Variants in ZNF557 observed in about 807,000 individuals in gnomAD.
The protein encoded by ZNF557 is CTB-25J19.9.
In ZNF557, 19 loss-of-function variants were observed where a neutral mutation model predicts 21.2. That is an observed-to-expected ratio of 0.90 (90% CI 0.63 to 1.32). The LOEUF (loss-of-function observed/expected upper bound fraction) is 1.32, where lower values mean the gene tolerates loss of function less well. Ranked by LOEUF, ZNF557 falls within the 40% of genes most tolerant of loss-of-function variation. ZNF557 has a pLI of 0.00. For missense variants in ZNF557, 487 were observed against 519.8 expected (o/e 0.94, Z 0.61); for synonymous variants, 207 against 194.8 (o/e 1.06, Z -0.52).
intron 2 of ZNF557, among the ~76,000 whole-genome samples, chr19:7,073,679 A>G (rs1977510530): frequency 6.6e-6 from 1 of 152,030 alleles, no homozygotes; most frequent in Admixed American, 6.6e-5. Context: ...CTTGGCTCCA[A>G]GTACCAGCGA....
chr19:7,085,892 G>A lies in ZNF557; in HGVS notation c.*2148G>A, dbSNP rs971275185. ...CATCAATACACCAAATATTCAGAAA[G>A]GTATTTCCAAACAGCTCCTGAGTGA... On this transcript the variant is annotated 3_prime_UTR_variant, in exon 8 of 8. Transcript: ENST00000252840. 8.6e-5 allele frequency: 13 copies of A among 151,900 alleles called. No individual in the cohort carries two copies. The highest frequency in any genetic ancestry group is 2.9e-4 in the African/African-American group (12 of 41,322). The allele number at this position is 151,900 out of a possible 1,614,324, so 9.4% of individuals were successfully genotyped here.
At chr19:7,074,022 A>G (rs1367977374) in intron 2 of ZNF557, among the ~76,000 whole-genome samples, 1 of 132,736 alleles carries the variant, frequency 7.5e-6, no homozygotes, top group Non-Finnish European at 1.6e-5. Flanking sequence ...TTTTTTCCAA[A>G]TGGAGTGTTG....
At chr19:7,073,138 T>C (rs1568405562) in intron 2 of ZNF557, among the ~76,000 whole-genome samples, 1 of 131,086 alleles carries the variant, frequency 7.6e-6, no homozygotes, top group African/African-American at 2.8e-5. Flanking sequence ...TACAGATATT[T>C]GTTTTTTTGG....
Position 7,083,817 on chromosome 19 carries a change from G to A in ZNF557, c.*73G>A, listed in dbSNP as rs1308796277. On this transcript the variant is annotated 3_prime_UTR_variant, in exon 8 of 8. Transcript: ENST00000252840. ...TAACATGAGCAAACTCTAACAAGAT[G>A]TATGAATCACCTGCTACTGTGTAAC... 3.3e-6 allele frequency: 5 copies of A among 1,508,678 alleles called. No individual in the cohort carries two copies. The highest frequency in any genetic ancestry group is 2.2e-5 in the Admixed American group (1 of 46,300). 93.5% of individuals were successfully genotyped at this position (1,508,678 alleles called of 1,614,324 possible). A position where few individuals can be genotyped will look rare whatever the true frequency, so the allele number is the denominator to read the frequency against.
rs112670746 is a variant in ZNF557, at chr19:7,074,894, C to T, written c.-79-102C>T. 210 of 591,390 alleles carry T rather than the reference C, an allele frequency of 3.6e-4. 2 individuals carry two copies. The Middle Eastern group carries it at 4.6e-3, about 13-fold the overall frequency. 36.6% of individuals were successfully genotyped at this position (591,390 alleles called of 1,614,324 possible). ...ACCGAGGCAGGGCACGGGCAGGAGA[C>T]GGGGTGACCGAGGCAGGGCACGGGC... On this transcript the variant is annotated intron_variant, in intron 2 of 7. Coordinates refer to ENST00000252840, the MANE Select transcript of ZNF557 (RefSeq NM_024341.3).
intron 2 of ZNF557, 52 bp from the exon 3 acceptor site, chr19:7,074,944 G>T (rs1187215572): frequency 6.8e-7 from 1 of 1,481,468 alleles, no homozygotes. Flanking sequence ...CCGACGCAGG[G>T]CACGGGCTGG....
intron 5 of ZNF557, among the ~76,000 whole-genome samples, chr19:7,080,711 A>G (rs1977682240): frequency 6.6e-6 from 1 of 152,194 alleles, no homozygotes; most frequent in South Asian, 2.1e-4. Context: ...AAAATGTCAC[A>G]AATCTCTCTT....
chr19:7,083,860 T>G lies in ZNF557; in HGVS notation c.*116T>G. The G allele has an allele frequency of 7.2e-7, 1 of 1,385,576 alleles. No individual in the cohort carries two copies. The highest frequency in any genetic ancestry group is 9.8e-7 in the Non-Finnish European group (1 of 1,021,256). 85.8% of individuals were successfully genotyped at this position (1,385,576 alleles called of 1,614,324 possible). A position where few individuals can be genotyped will look rare whatever the true frequency, so the allele number is the denominator to read the frequency against. On this transcript the variant is annotated 3_prime_UTR_variant, in exon 8 of 8. Transcript: ENST00000252840. ...TGTGTAACAAATTACCCCCCAAAAT[T>G]TTGTGGCTTCAAACAAAAACACTTG...
In ZNF557 at chr19:7,083,298, A is replaced by G. The variant is rs1470964901; in HGVS notation, c.847A>G (p.Lys283Glu). The G allele has an allele frequency of 1.2e-6, 2 of 1,614,108 alleles. No individual in the cohort carries two copies. The highest frequency in any genetic ancestry group is 1.7e-6 in the Non-Finnish European group (2 of 1,180,042). The change falls in exon 8 of 8, where the codon AAG becomes GAG. Residue 283 changes from lysine to glutamate, a missense_variant. Lys to Glu is a moderately conservative substitution (Grantham distance 56, BLOSUM62 1). Coordinates refer to ENST00000252840, the MANE Select transcript of ZNF557 (RefSeq NM_024341.3). ...CACTCAGTCAATCTTCACAAGGCAC[A>G]AGAGAGTTCATACGGGGGAGGGTCA... ...FRTQSIFTRH[K>E]RVHTGEGHYV... is the part of the protein sequence containing the mutation.
chr19:7,080,112 G>A (rs1434161665), intron 5 of ZNF557, among the ~76,000 whole-genome samples: 1 of 152,124 alleles, frequency 6.6e-6, no homozygotes, highest in African/African-American at 2.4e-5. Context: ...GACCAGCCTG[G>A]CCAAGATGGT....
intron 6 of ZNF557, 88 bp downstream of exon 6, chr19:7,081,543 ATCAGTCAGAGAACTGTGTAAATGCCC>A: frequency 1.1e-6 from 1 of 913,384 alleles, no homozygotes; most frequent in Non-Finnish European, 1.7e-6. Context: ...ATTAGGAAAT[ATCAGTCAGAGAACTGTGTAAATGCCC>A]CTTTTCCCAA....
Position 7,082,914 on chromosome 19 carries a change from A to T in ZNF557, c.463A>T (p.Asn155Tyr). The change falls in exon 8 of 8, where the codon AAT becomes TAT. Residue 155 changes from asparagine (N) to tyrosine (Y), a missense_variant. Transcript: ENST00000252840. ...TCTTGGAGCAACACTCAACGAATGT[A>T]ATCAGTGTTTTAAAGTCTTCAGCAC... ...NHLGATLNECNQCFKVFSTKS... is the reference protein window; with the variant it reads ...NHLGATLNECYQCFKVFSTKS... 1 of 1,605,666 alleles carries T rather than the reference A, an allele frequency of 6.2e-7. No individual in the cohort carries two copies. The highest frequency in any genetic ancestry group is 2.2e-5 in the East Asian group (1 of 44,782).
chr19:7,071,415 A>G (rs1444029144), intron 2 of ZNF557, among the ~76,000 whole-genome samples: 1 of 152,220 alleles, frequency 6.6e-6, no homozygotes, highest in South Asian at 2.1e-4. Context: ...TGACAGCGAC[A>G]TGTGGTTAAT....
intron 5 of ZNF557, among the ~76,000 whole-genome samples, chr19:7,079,001 A>G (rs1977637998): frequency 1.3e-5 from 2 of 151,978 alleles, no homozygotes; most frequent in African/African-American, 4.8e-5. Flanking sequence ...TTCAATTTTA[A>G]AATTCCTATT....
In ZNF557 at chr19:7,085,573, G is replaced by A. The variant is rs1308163283; in HGVS notation, c.*1829G>A. The A allele has an allele frequency of 6.6e-6, 1 of 152,166 alleles. No homozygotes were observed. The highest frequency in any genetic ancestry group is 1.5e-5 in the Non-Finnish European group (1 of 68,022). The allele number at this position is 152,166 out of a possible 1,614,324, so 9.4% of individuals were successfully genotyped here. ...AATACTCACGAGTGTATTAATTTCA[G>A]AAAAATTTTCAGTGATTCCTCCCTT... On this transcript the variant is annotated 3_prime_UTR_variant, in exon 8 of 8. Coordinates refer to ENST00000252840, the MANE Select transcript of ZNF557 (RefSeq NM_024341.3).
rs143458872 is a variant in ZNF557 at position 7,083,417 on chromosome 19, C to T, written c.966C>T (p.Cys322=). 3.1e-6 allele frequency: 5 copies of T among 1,614,184 alleles called. No individual in the cohort carries two copies. The East Asian group carries it at 8.9e-5, about 29-fold the overall frequency. Residue 322 remains cysteine, a synonymous_variant, in exon 8 of 8, where the codon TGC becomes TGT. Coordinates refer to ENST00000252840, the MANE Select transcript of ZNF557 (RefSeq NM_024341.3). ...ATACAGGGGAGTACCCTTACGAATG[C>T]CACGATTGTGGGAGAACCTTCAGGA... ...SIHTGEYPYE[C]HDCGRTFRRR...
chr19:7,082,736 A>C (rs1977738642), intron 7 of ZNF557, 142 bp from the exon 8 acceptor site: 1 of 663,730 alleles, frequency 1.5e-6, no homozygotes, highest in African/African-American at 1.8e-5. Context: ...GACAGAAGCC[A>C]TGTACCAGCA....
rs1977554370 is a variant in ZNF557, at chr19:7,074,995, G to A, written c.-79-1G>A. ...CAGAGTGTTCCCCCCATTTCTTCCA[G>A]GGTGCTGTCCTGAGAGCGCTGCGGG... On this transcript the variant is annotated splice_acceptor_variant, in intron 2 of 7. Coordinates refer to ENST00000252840, the MANE Select transcript of ZNF557 (RefSeq NM_024341.3). LOFTEE classifies it low-confidence loss of function (5UTR_SPLICE). 1.2e-6 allele frequency: 2 copies of A among 1,610,188 alleles called. No individual in the cohort carries two copies. The highest frequency in any genetic ancestry group is 1.7e-4 in the Middle Eastern group (1 of 6,050).
At position 7,079,482 on chromosome 19, in the gene ZNF557, C is replaced by T. The variant is rs187552180; in HGVS notation, c.248-1878C>T. On this transcript the variant is annotated intron_variant, in intron 5 of 7. Coordinates refer to ENST00000252840, the MANE Select transcript of ZNF557 (RefSeq NM_024341.3). Reference sequence around the variant, plus strand: ...ATCTCGATCTCCTGACCTTGTGATCCGCCCACCTTGGCCTCCCAAAGTGCT... The same window carrying T: ...ATCTCGATCTCCTGACCTTGTGATCTGCCCACCTTGGCCTCCCAAAGTGCT... Among the ~76,000 whole-genome samples the T allele has an allele frequency of 3.4e-4, 51 of 152,156 alleles. No homozygotes were observed. The East Asian group carries it at 7.5e-3, about 22-fold the overall frequency.
Sources: gnomAD v4.1 joint callset for allele counts (sites outside exome capture counted in the v4.1 genomes callset) on GRCh38, gnomAD v4.1.1 for gene constraint, MANE v1.5 for transcripts, NCBI Gene and HGNC (gene_info 2026-07-23, HGNC 2026-07-21) for gene names.